SNCAIP: variants seen among roughly 807,000 people sequenced by gnomAD.
SNCAIP encodes the protein synphilin-1.
A neutral mutation model predicts 86.7 loss-of-function variants in SNCAIP; 43 were observed. That is an observed-to-expected ratio of 0.50 (90% confidence interval 0.39 to 0.64). The LOEUF (loss-of-function observed/expected upper bound fraction) is 0.64. Ranked by LOEUF, SNCAIP falls within the 30% of genes least tolerant of loss-of-function variation. The probability of loss-of-function intolerance (pLI) is 0.00; values close to 1 mark genes in which losing one functional copy is unlikely to be tolerated. For synonymous variants in SNCAIP, 417 were observed against 427.2 expected, an observed-to-expected ratio of 0.98 and a Z score of 0.29; for missense variants, 981 against 1,103.1, an observed-to-expected ratio of 0.89 and a Z score of 1.57.
intron 1 of SNCAIP, among the ~76,000 whole-genome samples, chr5:122,378,860 C>T (rs1346329376): frequency 1.4e-5 from 2 of 145,688 alleles, no homozygotes; most frequent in African/African-American, 2.6e-5. Flanking sequence ...AGATAAGTGG[C>T]GTTATTTCTG....
At chr5:122,395,369 T>C (rs939247180) in intron 2 of SNCAIP, among the ~76,000 whole-genome samples, 1 of 152,154 alleles carries the variant, frequency 6.6e-6, no homozygotes, top group Non-Finnish European at 1.5e-5. Context: ...TGCCTTTCTG[T>C]ATAACTCTGA....
intron 1 of SNCAIP, among the ~76,000 whole-genome samples, chr5:122,381,192 C>T (rs1321513729): frequency 6.4e-5 from 8 of 125,584 alleles, no homozygotes; most frequent in African/African-American, 2.6e-4. Flanking sequence ...CTTTGTAGGT[C>T]ACTCAGGACT....
intron 7 of SNCAIP, among the ~76,000 whole-genome samples, chr5:122,443,198 CTAAG>C (rs1781460222): frequency 6.6e-6 from 1 of 152,124 alleles, no homozygotes; most frequent in Non-Finnish European, 1.5e-5. Flanking sequence ...ACCTCTCAGT[CTAAG>C]TAGTCTAAAA....
intron 1 of SNCAIP, among the ~76,000 whole-genome samples, chr5:122,353,419 A>T (rs1310137907): frequency 2.6e-5 from 4 of 151,042 alleles, no homozygotes; most frequent in Admixed American, 2.6e-4. Flanking sequence ...CTTCATAATA[A>T]AAGTTATGAC....
chr5:122,329,416 A>G (rs1016496101), intron 1 of SNCAIP, among the ~76,000 whole-genome samples: 1 of 152,214 alleles, frequency 6.6e-6, no homozygotes, highest in Non-Finnish European at 1.5e-5. Flanking sequence ...CGAAACACTC[A>G]AAAAGCCTTG....
chr5:122,410,129 T>A (rs1329225720), intron 3 of SNCAIP, among the ~76,000 whole-genome samples: 1 of 152,236 alleles, frequency 6.6e-6, no homozygotes, highest in Admixed American at 6.5e-5. Context: ...AACAATTATT[T>A]TTATTGTTTA....
intron 1 of SNCAIP, among the ~76,000 whole-genome samples, chr5:122,323,141 G>A (rs1753322810): frequency 6.6e-6 from 1 of 152,060 alleles, no homozygotes; most frequent in Non-Finnish European, 1.5e-5. Flanking sequence ...CCATGAACTC[G>A]GGCAACAGCG....
At chr5:122,374,563 A>G (rs888538685) in intron 1 of SNCAIP, among the ~76,000 whole-genome samples, 11 of 152,274 alleles carry the variant, frequency 7.2e-5, no homozygotes, top group African/African-American at 1.9e-4. Context: ...GCGCTCATCA[A>G]CAGTTTCCAA....
chr5:122,358,205 A>G (rs200302821), intron 1 of SNCAIP, among the ~76,000 whole-genome samples: 1,962 of 105,080 alleles, frequency 0.019, 22 homozygotes, highest in African/African-American at 0.06. Context: ...GTGTGTGTGT[A>G]TATATATATA....
chr5:122,360,428 T>G (rs1274340240), intron 1 of SNCAIP, among the ~76,000 whole-genome samples: 3 of 152,200 alleles, frequency 2.0e-5, no homozygotes, highest in East Asian at 1.9e-4. Flanking sequence ...TATTAGCAAC[T>G]GAACTGAAAA....
Position 122,423,182 on chromosome 5 carries a change from G to A in SNCAIP, c.445G>A (p.Asp149Asn), listed in dbSNP as rs763811088. 3.3e-5 allele frequency: 54 copies of A among 1,613,980 alleles called. No individual in the cohort carries two copies. Among genetic ancestry groups the A allele is most frequent in the Middle Eastern group, 1.6e-4 (1 of 6,084 alleles). The stretch of plus-strand genomic sequence containing the variant: ...GGGTGAACTGGAGCACTACGACCTC[G>A]ACATGGATGAGATTCTGGATGTGCC... ...SLGELEHYDL[D>N]MDEILDVPYI... The change falls in exon 4 of 11, where the codon GAC becomes AAC. Residue 149 changes from aspartate to asparagine, a missense_variant. By Grantham distance (23) the Asp-to-Asn change is conservative. Transcript: ENST00000261368.
chr5:122,423,023 G>T lies in SNCAIP; in HGVS notation c.286G>T (p.Asp96Tyr). Reference sequence around the variant, plus strand: ...GACTCTGGAGAACAATGAAAGTGATGACCAAAAGAACCAGAAAGTGGTTGA... The same window carrying T: ...GACTCTGGAGAACAATGAAAGTGATTACCAAAAGAACCAGAAAGTGGTTGA... Reference protein sequence around the residue: ...PETLENNESDDQKNQKVVEYQ... With the variant: ...PETLENNESDYQKNQKVVEYQ... Residue 96 changes from aspartate to tyrosine, a missense_variant, in exon 4 of 11, where the codon GAC becomes TAC. Transcript: ENST00000261368. The T allele has an allele frequency of 6.2e-7, 1 of 1,614,100 alleles. No individual in the cohort carries two copies. Among genetic ancestry groups the T allele is most frequent in the South Asian group, 1.1e-5 (1 of 91,062 alleles).
chr5:122,448,305 A>T (rs561836626), intron 8 of SNCAIP, among the ~76,000 whole-genome samples: 1 of 151,916 alleles, frequency 6.6e-6, no homozygotes, highest in African/African-American at 2.4e-5. Flanking sequence ...TTACCACAAG[A>T]TTAGTGGCTT....
chr5:122,386,546 G>A (rs1306026769), intron 1 of SNCAIP, among the ~76,000 whole-genome samples: 2 of 152,328 alleles, frequency 1.3e-5, no homozygotes, highest in East Asian at 3.9e-4. Flanking sequence ...GATGCTGTTT[G>A]TTTTGTTCTG....
rs796620841 is a variant in SNCAIP at position 122,394,866 on chromosome 5, A to G, written c.57+3675A>G. Among the ~76,000 whole-genome samples the G allele has an allele frequency of 6.6e-4, 100 of 152,316 alleles. 1 individual carries two copies. Among genetic ancestry groups the G allele is most frequent in the African/African-American group, 2.3e-3 (96 of 41,574 alleles). On this transcript the variant is annotated intron_variant, in intron 2 of 10. Coordinates refer to ENST00000261368, the MANE Select transcript of SNCAIP (RefSeq NM_005460.4). ...CTAAGTTATCTTGTTCAAGCCTCAT[A>G]CATCAGCTTTGCGAGGCAAACTCTG... is the stretch of plus-strand genomic sequence containing the variant.
At chr5:122,390,955 G>A in intron 1 of SNCAIP, 134 bp from the exon 2 acceptor site, 1 of 621,906 alleles carries the variant, frequency 1.6e-6, no homozygotes, top group African/African-American at 1.8e-5. Context: ...ACAGTTGAAG[G>A]AAGGAAATGT....
Position 122,451,384 on chromosome 5 carries a change from G to A in SNCAIP, c.2537G>A (p.Arg846Gln), listed in dbSNP as rs780740677. The A allele has an allele frequency of 2.0e-5, 32 of 1,614,120 alleles. No homozygotes were observed. The highest frequency in any genetic ancestry group is 9.3e-5 in the African/African-American group (7 of 75,018). ...KDKDKGRTLQ[R>Q]TSTSNESGDQ... ...AAAGATAAGGGCAGGACTCTCCAGC[G>A]GACCTCCACAAGTAACGAATCGGGG... is the stretch of plus-strand genomic sequence containing the variant. The change falls in exon 10 of 11, where the codon CGG (arginine) becomes CAG (glutamine). Residue 846 changes from arginine to glutamine, a missense_variant. Arg to Gln is a conservative substitution (Grantham distance 43). Coordinates refer to ENST00000261368, the MANE Select transcript of SNCAIP (RefSeq NM_005460.4).
At chr5:122,377,130 G>A (rs1293902250) in intron 1 of SNCAIP, among the ~76,000 whole-genome samples, 2 of 152,024 alleles carry the variant, frequency 1.3e-5, no homozygotes, top group Non-Finnish European at 2.9e-5. Flanking sequence ...TTTTACTTGC[G>A]AGATCTTTAG....
intron 1 of SNCAIP, among the ~76,000 whole-genome samples, chr5:122,323,133 A>C (rs575608585): frequency 6.6e-6 from 1 of 152,330 alleles, no homozygotes; most frequent in South Asian, 2.1e-4. Context: ...TCCAAGGCCC[A>C]TGAACTCGGG....
Sources: gnomAD v4.1 joint callset for allele counts (sites outside exome capture counted in the v4.1 genomes callset) on GRCh38, gnomAD v4.1.1 for gene constraint, MANE v1.5 for transcripts, NCBI Gene and HGNC (gene_info 2026-07-23, HGNC 2026-07-21) for gene names.